NUP214: variants seen among roughly 807,000 people sequenced by gnomAD.
The protein encoded by NUP214 is nuclear pore complex protein Nup214.
NUP214 carries 79 observed loss-of-function variants against 196.2 expected under a neutral mutation model. The ratio of observed to expected loss-of-function variants is 0.40; its 90% confidence interval spans 0.34 to 0.49. The LOEUF (loss-of-function observed/expected upper bound fraction) is 0.49, where lower values mean the gene tolerates loss of function less well. NUP214 is among the 20% of genes least tolerant of loss of function. NUP214 has a pLI of 0.58. For missense variants in NUP214, 2,468 were observed against 2,539.0 expected, an observed-to-expected ratio of 0.97 and a Z score of 0.60; for synonymous variants, 1,020 against 990.5, an observed-to-expected ratio of 1.03 and a Z score of -0.56.
At position 131,175,738 on chromosome 9, in the gene NUP214, G is replaced by T. The variant is rs1833096569; in HGVS notation, c.3319+117G>T. 3 of 1,384,186 alleles carry T rather than the reference G, an allele frequency of 2.2e-6. No individual in the cohort carries two copies. In the South Asian group the frequency reaches 4.7e-5, roughly 22 times the overall value. 85.7% of individuals were successfully genotyped at this position (1,384,186 alleles called of 1,614,324 possible). On this transcript the variant is annotated intron_variant, in intron 23 of 35. Transcript: ENST00000359428. ...CTCTTTGGTGCCCTTCAGAAGAGAAGATTGATGTGACAGCCCTCTCCCCTT... is the reference window on the plus strand; with the variant it reads ...CTCTTTGGTGCCCTTCAGAAGAGAATATTGATGTGACAGCCCTCTCCCCTT...
chr9:131,233,611 C>A lies in NUP214; in HGVS notation c.*124C>A. ...CAAAACACATACACCCAGAAAGAAA[C>A]AACAGAAACCAAAACTCACAAGGCG... On this transcript the variant is annotated 3_prime_UTR_variant, in exon 36 of 36. Coordinates refer to ENST00000359428, the MANE Select transcript of NUP214 (RefSeq NM_005085.4). 2.0e-6 allele frequency: 2 copies of A among 1,020,024 alleles called. No homozygotes were observed. The highest frequency in any genetic ancestry group is 3.0e-6 in the Non-Finnish European group (2 of 668,366). 63.2% of individuals were successfully genotyped at this position (1,020,024 alleles called of 1,614,324 possible).
chr9:131,166,979 C>G (rs976972660), intron 21 of NUP214: 5 of 152,094 alleles, frequency 3.3e-5, no homozygotes, highest in Non-Finnish European at 4.4e-5. Context: ...AAGGTGCTCT[C>G]TTACACACCA....
chr9:131,230,700 C>A lies in NUP214; in HGVS notation c.6145C>A (p.Leu2049Met), dbSNP rs1320987930. ...TCAGAATGCCCCCACTTTCGGATCA[C>A]TGTCCCAACAGACTTCTGGTTTTGG... ...ASQNAPTFGS[L>M]SQQTSGFGTQ... Residue 2049 changes from leucine to methionine, a missense_variant, in exon 34 of 36, where the codon CTG becomes ATG. Coordinates refer to ENST00000359428, the MANE Select transcript of NUP214 (RefSeq NM_005085.4). The A allele has an allele frequency of 6.2e-7, 1 of 1,614,074 alleles. No individual in the cohort carries two copies. Among genetic ancestry groups the A allele is most frequent in the Non-Finnish European group, 8.5e-7 (1 of 1,180,036 alleles).
Position 131,222,945 on chromosome 9 carries a change from A to G in NUP214, c.5902+15A>G. ...AAACAAAACAGGTACTCCTATGTCTATTTGTTATGGTTATCTTTATATATG... is the reference window on the plus strand; with the variant it reads ...AAACAAAACAGGTACTCCTATGTCTGTTTGTTATGGTTATCTTTATATATG... On this transcript the variant is annotated intron_variant, in intron 32 of 35. Transcript: ENST00000359428. 6.2e-7 allele frequency: 1 copy of G among 1,610,288 alleles called. No homozygotes were observed. The highest frequency in any genetic ancestry group is 8.5e-7 in the Non-Finnish European group (1 of 1,177,878).
chr9:131,198,359 C>T lies in NUP214; in HGVS notation c.4865C>T (p.Ser1622Phe). The change falls in exon 29 of 36, where the codon TCC (serine) becomes TTC (phenylalanine). Residue 1622 changes from serine (S) to phenylalanine (F), a missense_variant. By Grantham distance (155) the Ser-to-Phe change is radical (BLOSUM62 -2). Around this residue, in one of 5 missense-constraint regions of NUP214, gnomAD observed 1,801 missense variants for 1,779.4 expected, o/e 1.01. Coordinates refer to ENST00000359428, the MANE Select transcript of NUP214 (RefSeq NM_005085.4). The stretch of plus-strand genomic sequence containing the variant: ...ACCCCCATAGCCTCCAGCACCACGT[C>T]CATTGTTGCTCCCGGCCCATCTGCA... ...SSTPIASSTTSIVAPGPSAEA... is the reference protein window; with the variant it reads ...SSTPIASSTTFIVAPGPSAEA... 1 of 1,614,240 alleles carries T rather than the reference C, an allele frequency of 6.2e-7. No homozygotes were observed. Among genetic ancestry groups the T allele is most frequent in the South Asian group, 1.1e-5 (1 of 91,086 alleles).
chr9:131,128,411 C>T lies in NUP214; in HGVS notation c.321C>T (p.Leu107=), dbSNP rs780832607. 1.2e-6 allele frequency: 2 copies of T among 1,613,958 alleles called. No homozygotes were observed. The highest frequency in any genetic ancestry group is 1.7e-6 in the Non-Finnish European group (2 of 1,179,874). The change falls in exon 3 of 36, where the codon CTC becomes CTT. Residue 107 remains leucine (L), a synonymous_variant. Transcript: ENST00000359428. ...HLALSCDNLT[L]SACMMSSEYG... ...CCTTGAGCTGTGATAACCTCACACT[C>T]TCTGCGTGCATGATGTCCAGTGAAT...
intron 32 of NUP214, among the ~76,000 whole-genome samples, chr9:131,223,717 TTATTTA>T (rs1834631465): frequency 5.6e-5 from 1 of 17,716 alleles, no homozygotes; most frequent in African/African-American, 1.1e-4. Flanking sequence ...TTATTTTTAT[TTATTTA>T]TTTATTTTTT....
chr9:131,188,896 C>G (rs1564200882), intron 25 of NUP214, among the ~76,000 whole-genome samples, 157 bp from the exon 26 acceptor site: 1 of 149,766 alleles, frequency 6.7e-6, no homozygotes, highest in Admixed American at 6.8e-5. Context: ...AAATTGAGAC[C>G]TTTTTTTTGT....
chr9:131,137,612 G>A (rs1415092482), intron 9 of NUP214, among the ~76,000 whole-genome samples: 1 of 138,882 alleles, frequency 7.2e-6, no homozygotes. Flanking sequence ...GTGCATTGGC[G>A]CCATCTTGGC....
In NUP214 at chr9:131,127,650, G is replaced by A; in HGVS notation, c.172G>A (p.Gly58Ser). Residue 58 changes from glycine (G) to serine (S), a missense_variant, in exon 2 of 36, where the codon GGC becomes AGC. Gly to Ser is a moderately conservative substitution (Grantham distance 56). Transcript: ENST00000359428. ...YGLVFAGGAS[G>S]LQIFPTKNLL... is the part of the protein sequence containing the mutation. ...TCTGGTCTTCGCTGGTGGAGCCAGT[G>A]GCTTGCAGATTTTTCCTACTAAAAA... The A allele has an allele frequency of 6.2e-7, 1 of 1,614,048 alleles. No homozygotes were observed. Among genetic ancestry groups the A allele is most frequent in the African/African-American group, 1.3e-5 (1 of 75,024 alleles).
intron 17 of NUP214, among the ~76,000 whole-genome samples, chr9:131,154,670 G>A (rs931822813): frequency 6.6e-6 from 1 of 152,160 alleles, no homozygotes; most frequent in African/African-American, 2.4e-5. Flanking sequence ...TTATCCCTTT[G>A]CATCCTCATA....
chr9:131,130,618 A>G (rs1831519127), intron 4 of NUP214, 148 bp from the exon 5 acceptor site: 1 of 666,718 alleles, frequency 1.5e-6, no homozygotes, highest in African/African-American at 1.8e-5. Flanking sequence ...AAATGATTTT[A>G]CTTTTTTCCA....
intron 29 of NUP214, among the ~76,000 whole-genome samples, chr9:131,200,357 C>T (rs928012524): frequency 1.3e-5 from 2 of 152,362 alleles, no homozygotes. Flanking sequence ...AGGGGAATCA[C>T]TTGAGGTCAG....
intron 31 of NUP214, 101 bp from the exon 32 acceptor site, chr9:131,222,677 C>G: frequency 7.1e-7 from 1 of 1,405,778 alleles, no homozygotes; most frequent in Non-Finnish European, 9.6e-7. Context: ...GCTTGTCACT[C>G]CCATCTTTCC....
At chr9:131,144,885 T>C in intron 12 of NUP214, 131 bp downstream of exon 12, 2 of 683,964 alleles carry the variant, frequency 2.9e-6, no homozygotes, top group Non-Finnish European at 2.4e-6. Context: ...TACTTGCAAA[T>C]GGCAAAAATT....
chr9:131,188,025 T>C (rs181315258), intron 25 of NUP214, among the ~76,000 whole-genome samples: 44 of 152,368 alleles, frequency 2.9e-4, no homozygotes, highest in African/African-American at 9.6e-4. Context: ...GATAGGTGTT[T>C]AGATATGTCT....
At chr9:131,140,013 G>T (rs759702167) in intron 10 of NUP214, among the ~76,000 whole-genome samples, 6 of 152,152 alleles carry the variant, frequency 3.9e-5, no homozygotes, top group Non-Finnish European at 7.3e-5. Flanking sequence ...TCCTTCCCTG[G>T]TTAGGCAGGA....
chr9:131,128,180 T>C (rs921661351), intron 2 of NUP214, 152 bp from the exon 3 acceptor site: 22 of 565,024 alleles, frequency 3.9e-5, no homozygotes, highest in Non-Finnish European at 6.0e-5. Context: ...TATATATCTT[T>C]AAGAAAGTTA....
rs370633139 is a variant in NUP214, at chr9:131,197,649, G to T, written c.4155G>T (p.Glu1385Asp). ...TAPPVLGKHT[E>D]PPVTSSATTT... is the part of the protein sequence containing the mutation. ...CCCCGGTGTTAGGGAAGCACACGGAGCCCCCTGTGACATCCTCTGCAACCA... is the reference window on the plus strand; with the variant it reads ...CCCCGGTGTTAGGGAAGCACACGGATCCCCCTGTGACATCCTCTGCAACCA... The change falls in exon 29 of 36, where the codon GAG becomes GAT. Residue 1385 changes from glutamate to aspartate, a missense_variant. By Grantham distance (45) the Glu-to-Asp change is conservative (BLOSUM62 2). Transcript: ENST00000359428. 55 of 1,613,996 alleles carry T rather than the reference G, an allele frequency of 3.4e-5. No homozygotes were observed. Among genetic ancestry groups the T allele is most frequent in the Non-Finnish European group, 4.3e-5 (51 of 1,180,020 alleles).
Sources: allele counts gnomAD v4.1 joint callset (sites outside exome capture counted in the v4.1 genomes callset), GRCh38; gene constraint gnomAD v4.1.1; regional missense constraint gnomAD v4.1.1; transcripts MANE v1.5; gene names NCBI Gene and HGNC (gene_info 2026-07-23, HGNC 2026-07-21).